Variants in ZBTB2 observed in about 807,000 individuals in gnomAD.
ZBTB2 encodes zinc finger and BTB domain-containing protein 2.
ZBTB2 carries 2 observed loss-of-function variants against 39.5 expected under a neutral mutation model. The observed-to-expected ratio is 0.05, with a 90% CI of 0.02 to 0.16. ZBTB2 has a LOEUF of 0.16. Among genes scored for constraint, ZBTB2 ranks in the 10% least tolerant of loss-of-function variants. The probability of loss-of-function intolerance (pLI) is 1.00; values close to 1 mark genes in which losing one functional copy is unlikely to be tolerated. For synonymous variants in ZBTB2, 251 were observed against 256.6 expected (o/e 0.98, Z 0.21); for missense variants, 391 against 653.0 (o/e 0.60, Z 4.37).
intron 1 of ZBTB2, among the ~76,000 whole-genome samples, chr6:151,374,667 C>T (rs11969497): frequency 0.83 from 126,168 of 151,936 alleles, 52,607 homozygotes; most frequent in Middle Eastern, 0.87. Flanking sequence ...ATATTCAACA[C>T]AGCACTGGAA....
At chr6:151,372,438 C>T (rs1048596478) in intron 2 of ZBTB2, among the ~76,000 whole-genome samples, 5 of 152,000 alleles carry the variant, frequency 3.3e-5, no homozygotes, top group Admixed American at 6.6e-5. Flanking sequence ...GAAGCAGCAC[C>T]GTAACTCAGG....
Position 151,382,474 on chromosome 6 carries a change from C to T in ZBTB2, c.-12-8825G>A, listed in dbSNP as rs531824949. On this transcript the variant is annotated intron_variant, in intron 1 of 2. Transcript: ENST00000325144. ...TTCTCCATGTTGGTCAGGCTGGTTT[C>T]GAACTCCCGACCTCAGATGATCCAC... Among the ~76,000 whole-genome samples the T allele has an allele frequency of 7.9e-5, 12 of 151,668 alleles. No individual in the cohort carries two copies. The South Asian group carries it at 1.7e-3, about 21-fold the overall frequency.
intron 1 of ZBTB2, among the ~76,000 whole-genome samples, chr6:151,382,069 G>A (rs1033431274): frequency 6.6e-6 from 1 of 152,098 alleles, no homozygotes; most frequent in Non-Finnish European, 1.5e-5. Flanking sequence ...TACAAACCTG[G>A]ACAGCATGTT....
In ZBTB2 at chr6:151,365,378, G is replaced by T; in HGVS notation, c.*143C>A. 7.7e-6 allele frequency: 7 copies of T among 908,546 alleles called. No homozygotes were observed. The highest frequency in any genetic ancestry group is 1.2e-5 in the Non-Finnish European group (7 of 604,466). The allele number at this position is 908,546 out of a possible 1,614,324, so 56.3% of individuals were successfully genotyped here. A position where few individuals can be genotyped will look rare whatever the true frequency, so the allele number is the denominator to read the frequency against. ...TGCACAAAGCCTTTACAGAGGTGGG[G>T]CTGGGATGTGGAAAAGGGGAAGAGG... On this transcript the variant is annotated 3_prime_UTR_variant, in exon 3 of 3. Coordinates refer to ENST00000325144, the MANE Select transcript of ZBTB2 (RefSeq NM_020861.3). This position sits in a 1 kb window ranked among gnomAD's most constrained non-coding sequence, Gnocchi z 5.6.
At chr6:151,379,267 T>C (rs1265654958) in intron 1 of ZBTB2, among the ~76,000 whole-genome samples, 1 of 152,188 alleles carries the variant, frequency 6.6e-6, no homozygotes, top group African/African-American at 2.4e-5. Flanking sequence ...TTTTTACATT[T>C]ATTGACCATT....
At chr6:151,370,902 A>G (rs931402783) in intron 2 of ZBTB2, among the ~76,000 whole-genome samples, 4 of 152,222 alleles carry the variant, frequency 2.6e-5, no homozygotes, top group Non-Finnish European at 5.9e-5. Flanking sequence ...GTTGCTTTAC[A>G]CTGTTGTATT....
chr6:151,386,180 A>G (rs1438815243), intron 1 of ZBTB2, among the ~76,000 whole-genome samples: 1 of 152,222 alleles, frequency 6.6e-6, no homozygotes, highest in Admixed American at 6.5e-5. Flanking sequence ...TATTAAAGTA[A>G]TAATTCTAAA....
rs200593764 is a variant in ZBTB2, at chr6:151,377,931, C to CACT, written c.-12-4285_-12-4283dup. On this transcript the variant is annotated intron_variant, in intron 1 of 2. Coordinates refer to ENST00000325144, the MANE Select transcript of ZBTB2 (RefSeq NM_020861.3). ...AGTTAAGAATGCACTGTAGATAATGCACTATCAATAAGCTTTAAAAAAAAT... is the reference window on the plus strand; with the variant it reads ...AGTTAAGAATGCACTGTAGATAATGCACTACTATCAATAAGCTTTAAAAAAAAT... 59 of 152,110 alleles carry CACT rather than the reference C, an allele frequency of 3.9e-4. 1 individual carries two copies. The East Asian group carries it at 0.011, about 28-fold the overall frequency. 9.4% of individuals were successfully genotyped at this position (152,110 alleles called of 1,614,324 possible).
chr6:151,381,542 A>G (rs1175378456), intron 1 of ZBTB2, among the ~76,000 whole-genome samples: 1 of 151,804 alleles, frequency 6.6e-6, no homozygotes, highest in Non-Finnish European at 1.5e-5. Context: ...AAATAAAAAT[A>G]AAAATAAAAA....
At chr6:151,378,984 A>G (rs985694088) in intron 1 of ZBTB2, among the ~76,000 whole-genome samples, 23 of 152,222 alleles carry the variant, frequency 1.5e-4, no homozygotes, top group African/African-American at 5.1e-4. Context: ...GAACCAGTAC[A>G]TTCAATAAGT....
intron 1 of ZBTB2, among the ~76,000 whole-genome samples, chr6:151,380,364 C>T (rs749336815): frequency 1.3e-5 from 2 of 152,228 alleles, no homozygotes; most frequent in African/African-American, 2.4e-5. Context: ...CCACCCTGGC[C>T]CCTGCCCAGT....
At chr6:151,386,171 AT>A (rs1420849201) in intron 1 of ZBTB2, among the ~76,000 whole-genome samples, 2 of 152,218 alleles carry the variant, frequency 1.3e-5, no homozygotes, top group African/African-American at 4.8e-5. Flanking sequence ...ACGAGTTCAT[AT>A]TAAAGTAATA....
At chr6:151,389,158 A>AC (rs1004113063) in intron 1 of ZBTB2, among the ~76,000 whole-genome samples, 2 of 152,140 alleles carry the variant, frequency 1.3e-5, no homozygotes, top group African/African-American at 2.4e-5. Flanking sequence ...GCGGTGGCTC[A>AC]CCCCTGTAAT....
chr6:151,390,560 G>A (rs866466759), intron 1 of ZBTB2, among the ~76,000 whole-genome samples: 59 of 150,692 alleles, frequency 3.9e-4, no homozygotes, highest in Admixed American at 2.6e-4. Flanking sequence ...GGCCCAGACA[G>A]GGAGAGAGGG....
At chr6:151,383,799 C>G (rs1779093948) in intron 1 of ZBTB2, among the ~76,000 whole-genome samples, 1 of 152,166 alleles carries the variant, frequency 6.6e-6, no homozygotes, top group African/African-American at 2.4e-5. Context: ...GCCCCTGCCC[C>G]TGCCCCTCAT....
intron 2 of ZBTB2, 33 bp downstream of exon 2, chr6:151,373,432 A>G (rs752732566): frequency 3.1e-6 from 5 of 1,612,246 alleles, no homozygotes; most frequent in Non-Finnish European, 4.2e-6. Flanking sequence ...AGAAGTCTAC[A>G]GTCATTAGGT....
intron 1 of ZBTB2, among the ~76,000 whole-genome samples, chr6:151,379,123 T>C (rs555793797): frequency 1.1e-3 from 172 of 152,342 alleles, no homozygotes; most frequent in African/African-American, 4.0e-3. Flanking sequence ...TCAAATATTA[T>C]GGACACACAA....
At position 151,366,553 on chromosome 6, in the gene ZBTB2, G is replaced by T; in HGVS notation, c.513C>A (p.Val171=). ...PQTSRISQEQ[V]PEASQLSQLT... ...GCTGGGAGAGCTGTGAGGCCTCAGGGACCTGCTCCTGGCTTATCCTGGAGG... is the reference window on the plus strand; with the variant it reads ...GCTGGGAGAGCTGTGAGGCCTCAGGTACCTGCTCCTGGCTTATCCTGGAGG... The change falls in exon 3 of 3, where the codon GTC becomes GTA. Residue 171 remains valine (V), a synonymous_variant. Coordinates refer to ENST00000325144, the MANE Select transcript of ZBTB2 (RefSeq NM_020861.3). This position sits in a 1 kb window ranked among gnomAD's most constrained non-coding sequence, Gnocchi z 7.1. 6.2e-7 allele frequency: 1 copy of T among 1,614,104 alleles called. No homozygotes were observed. The highest frequency in any genetic ancestry group is 8.5e-7 in the Non-Finnish European group (1 of 1,180,028).
rs962142686 is a variant in ZBTB2 at position 151,368,271 on chromosome 6, A to T, written c.174-1379T>A. ...ACACCATTCTCCTGCCTCAGCCTCCAGAGTAGCTGGGACTACAGGTGTCCG... is the reference window on the plus strand; with the variant it reads ...ACACCATTCTCCTGCCTCAGCCTCCTGAGTAGCTGGGACTACAGGTGTCCG... On this transcript the variant is annotated intron_variant, in intron 2 of 2. Transcript: ENST00000325144. Among the ~76,000 whole-genome samples the T allele has an allele frequency of 2.0e-5, 3 of 151,692 alleles. No homozygotes were observed. In the East Asian group the frequency reaches 5.8e-4, roughly 29 times the overall value.
Sources: allele counts gnomAD v4.1 joint callset (sites outside exome capture counted in the v4.1 genomes callset), GRCh38; gene constraint gnomAD v4.1.1; non-coding constraint Gnocchi (gnomAD v3.1); transcripts MANE v1.5; gene names NCBI Gene and HGNC (gene_info 2026-07-23, HGNC 2026-07-21).